The following HSPA12A variants were observed in gnomAD, a reference collection of about 807,000 sequenced individuals.
HSPA12A encodes the protein heat shock 70 kDa protein 12A.
A neutral mutation model predicts 69.2 loss-of-function variants in HSPA12A; 28 were observed. That is an observed-to-expected ratio of 0.40 (90% CI 0.30 to 0.55). HSPA12A has a LOEUF of 0.55. Ranked by LOEUF, HSPA12A falls within the 20% of genes least tolerant of loss-of-function variation. The pLI, the probability that HSPA12A is intolerant of heterozygous loss-of-function variation, is 0.38. For missense variants in HSPA12A, 686 were observed against 900.7 expected (o/e 0.76, Z 3.05); for synonymous variants, 345 against 370.5 (o/e 0.93, Z 0.79).
intron 2 of HSPA12A, among the ~76,000 whole-genome samples, chr10:116,815,248 CAAAAAAAAAAAAAAAAAAA>C (rs61008848): frequency 4.4e-4 from 45 of 102,110 alleles, no homozygotes; most frequent in African/African-American, 1.7e-3. Flanking sequence ...ATCCAAAAGA[CAAAAAAAAAAAAAAAAAAA>C]AAAAAAAATA....
chr10:116,791,170 G>A (rs1331536906), intron 2 of HSPA12A, among the ~76,000 whole-genome samples: 1 of 152,192 alleles, frequency 6.6e-6, no homozygotes, highest in African/African-American at 2.4e-5. Flanking sequence ...CCCTCCACAA[G>A]TGTGTGCTGC....
intron 1 of HSPA12A, among the ~76,000 whole-genome samples, chr10:116,839,385 C>T (rs1011930893): frequency 1.3e-5 from 2 of 152,110 alleles, no homozygotes; most frequent in Admixed American, 6.5e-5. Context: ...CTTAGAATTA[C>T]GTGCTGCAAA....
chr10:116,705,088 C>T (rs1305362927), intron 3 of HSPA12A, 63 bp downstream of exon 3: 22 of 1,595,170 alleles, frequency 1.4e-5, no homozygotes, highest in African/African-American at 6.7e-5. Context: ...GCTCATTGCC[C>T]GGAGTCTCCA....
At chr10:116,720,355 C>A (rs962936108) in intron 1 of HSPA12A, among the ~76,000 whole-genome samples, 2 of 152,230 alleles carry the variant, frequency 1.3e-5, no homozygotes, top group African/African-American at 4.8e-5. Flanking sequence ...GGACTCCAGA[C>A]TCTCCAACTG....
intron 4 of HSPA12A, 117 bp from the exon 5 acceptor site, chr10:116,698,856 C>T (rs1554881261): frequency 2.6e-6 from 2 of 771,990 alleles, no homozygotes; most frequent in African/African-American, 1.7e-5. Context: ...TCTGTGTTCC[C>T]CCATGCTTAA....
intron 1 of HSPA12A, among the ~76,000 whole-genome samples, chr10:116,716,470 A>ATG (rs1175182328): frequency 2.7e-5 from 4 of 150,380 alleles, no homozygotes; most frequent in Admixed American, 1.3e-4. Context: ...GGGGGTGTGT[A>ATG]TGTGTGTGTG....
chr10:116,713,512 C>T (rs572631654), intron 1 of HSPA12A, among the ~76,000 whole-genome samples: 13 of 152,262 alleles, frequency 8.5e-5, no homozygotes, highest in Admixed American at 2.6e-4. Context: ...CATCCTGACA[C>T]GGGGTAGCAA....
intron 9 of HSPA12A, among the ~76,000 whole-genome samples, chr10:116,680,080 T>C (rs1043604151): frequency 6.6e-6 from 1 of 152,222 alleles, no homozygotes; most frequent in African/African-American, 2.4e-5. Context: ...AATCTCCGCC[T>C]CCTGGGTTGA....
intron 2 of HSPA12A, among the ~76,000 whole-genome samples, chr10:116,774,231 G>A (rs1476325672): frequency 6.6e-6 from 1 of 151,974 alleles, no homozygotes; most frequent in Non-Finnish European, 1.5e-5. Context: ...GGATGGTCTC[G>A]ATCTCCTGAC....
At chr10:116,769,730 C>A (rs782491859) in intron 2 of HSPA12A, among the ~76,000 whole-genome samples, 1 of 152,214 alleles carries the variant, frequency 6.6e-6, no homozygotes, top group Admixed American at 6.6e-5. Flanking sequence ...ATTCAGTTAT[C>A]AACTCTCCTG....
intron 1 of HSPA12A, among the ~76,000 whole-genome samples, chr10:116,728,214 T>C (rs920414115): frequency 2.0e-5 from 3 of 152,208 alleles, no homozygotes; most frequent in Non-Finnish European, 4.4e-5. Context: ...GTGCTGGGAT[T>C]ACAGATGTGA....
At chr10:116,691,234 G>A (rs1464223600) in intron 6 of HSPA12A, among the ~76,000 whole-genome samples, 1 of 152,128 alleles carries the variant, frequency 6.6e-6, no homozygotes, top group Non-Finnish European at 1.5e-5. Context: ...GAGAGTGCAG[G>A]GAGGAGACGA....
intron 2 of HSPA12A, among the ~76,000 whole-genome samples, chr10:116,758,763 C>T (rs1265113267): frequency 1.3e-5 from 2 of 152,120 alleles, no homozygotes; most frequent in African/African-American, 4.8e-5. Context: ...ACACACAGAG[C>T]TTGCTCAAGT....
intron 1 of HSPA12A, among the ~76,000 whole-genome samples, chr10:116,740,793 C>G (rs1051643213): frequency 1.3e-5 from 2 of 151,604 alleles, no homozygotes; most frequent in Non-Finnish European, 2.9e-5. Context: ...TTCCTGCCCA[C>G]TTCTGATTTG....
chr10:116,756,334 A>T (rs1211086937), intron 2 of HSPA12A, among the ~76,000 whole-genome samples: 3 of 152,238 alleles, frequency 2.0e-5, no homozygotes, highest in African/African-American at 7.2e-5. Context: ...CAGCTCTCAA[A>T]ACAAACTGGC....
intron 1 of HSPA12A, among the ~76,000 whole-genome samples, chr10:116,709,053 A>C (rs1337624150): frequency 1.4e-5 from 2 of 141,086 alleles, no homozygotes; most frequent in Admixed American, 7.1e-5. Context: ...CTACCCAAAA[A>C]ACTGAAAACA....
Position 116,784,709 on chromosome 10 carries a change from G to T in HSPA12A, c.91+50226C>A, listed in dbSNP as rs1285328919. ...GTTGCCCTTGCAGTTGGGGACTTGT[G>T]CTTCCGGCCCCAGCTGACTGGCTGA... On this transcript the variant is annotated intron_variant, in intron 2 of 12. Transcript: ENST00000635765. Among the ~76,000 whole-genome samples, 3 of 152,322 alleles carry T rather than the reference G, an allele frequency of 2.0e-5. No individual in the cohort carries two copies. The East Asian group carries it at 5.8e-4, about 29-fold the overall frequency.
intron 2 of HSPA12A, among the ~76,000 whole-genome samples, chr10:116,776,512 T>A (rs577692794): frequency 2.0e-4 from 30 of 152,144 alleles, no homozygotes; most frequent in East Asian, 5.8e-4. Flanking sequence ...TTCAGAAAAT[T>A]TTTTTTTTCT....
chr10:116,742,723 C>T, upstream of HSPA12A: 1 of 508,146 alleles, frequency 2.0e-6, no homozygotes, highest in South Asian at 8.5e-5. Flanking sequence ...CTGCCTGGCT[C>T]CGGAGCTGCG....
Sources: gnomAD v4.1 joint callset for allele counts (sites outside exome capture counted in the v4.1 genomes callset) on GRCh38, gnomAD v4.1.1 for gene constraint, MANE v1.5 for transcripts, NCBI Gene and HGNC (gene_info 2026-07-23, HGNC 2026-07-21) for gene names.